The following FADS6 variants were observed in gnomAD, a reference collection of about 807,000 sequenced individuals.
The protein encoded by FADS6 is fatty acid desaturase domain family, member 6.
Under a neutral mutation model 31.7 loss-of-function variants are expected in FADS6, and 28 were observed. The observed-to-expected ratio is 0.88, with a 90% CI of 0.66 to 1.21. The LOEUF is 1.21. Among genes scored for constraint, FADS6 ranks in the 50% most tolerant of loss-of-function variants. The pLI, the probability that FADS6 is intolerant of heterozygous loss-of-function variation, is 0.00. For missense variants in FADS6, 494 were observed against 504.2 expected, an observed-to-expected ratio of 0.98 and a Z score of 0.19; for synonymous variants, 191 against 213.1, an observed-to-expected ratio of 0.90 and a Z score of 0.90.
intron 5 of FADS6, chr17:74,878,988 G>A (rs1315302160): frequency 4.9e-6 from 1 of 205,600 alleles, no homozygotes; most frequent in African/African-American, 2.4e-5. Context: ...GGCCAGTTGG[G>A]GGACTTGGAG....
intron 4 of FADS6, among the ~76,000 whole-genome samples, chr17:74,880,530 T>G (rs2038556501): frequency 6.6e-6 from 1 of 151,916 alleles, no homozygotes; most frequent in African/African-American, 2.4e-5. Context: ...AATTTTTGTG[T>G]TTTTAATAGA....
intron 1 of FADS6, 43 bp downstream of exon 1, chr17:74,893,309 C>G (rs1457774617): frequency 6.7e-7 from 1 of 1,486,626 alleles, no homozygotes; most frequent in Non-Finnish European, 8.9e-7. Context: ...ACCCCGCCCC[C>G]ACCCGCAGCC....
intron 2 of FADS6, 175 bp from the exon 3 acceptor site, chr17:74,882,885 A>T: frequency 6.8e-7 from 1 of 1,469,504 alleles, no homozygotes; most frequent in Admixed American, 2.2e-5. Context: ...GGTATCTATG[A>T]CCACGGAGTG....
At chr17:74,892,173 C>A (rs1020945152) in intron 2 of FADS6, among the ~76,000 whole-genome samples, 1 of 152,158 alleles carries the variant, frequency 6.6e-6, no homozygotes, top group South Asian at 2.1e-4. Context: ...AGGACGCTGC[C>A]CCTTGTGGAC....
At chr17:74,887,159 C>G (rs2144719145) in intron 2 of FADS6, among the ~76,000 whole-genome samples, 1 of 150,146 alleles carries the variant, frequency 6.7e-6, no homozygotes. Flanking sequence ...TCACAGAAGG[C>G]TTGAACTCCC....
intron 2 of FADS6, among the ~76,000 whole-genome samples, chr17:74,885,871 G>A (rs535361604): frequency 6.6e-6 from 1 of 152,170 alleles, no homozygotes; most frequent in South Asian, 2.1e-4. Flanking sequence ...ACTAAATGAG[G>A]GGCCAGGCGT....
intron 2 of FADS6, among the ~76,000 whole-genome samples, chr17:74,891,996 G>C (rs1158692955): frequency 6.6e-6 from 1 of 152,174 alleles, no homozygotes; most frequent in Non-Finnish European, 1.5e-5. Context: ...TTGCCTTCCT[G>C]GGCGTGCCCG....
At chr17:74,874,960 A>G (rs956460210), downstream of FADS6, among the ~76,000 whole-genome samples, 3 of 152,146 alleles carry the variant, frequency 2.0e-5, no homozygotes, top group Non-Finnish European at 4.4e-5. Flanking sequence ...CCACCCCTGC[A>G]CTACATTATA....
intron 4 of FADS6, 47 bp from the exon 5 acceptor site, chr17:74,879,630 C>T: frequency 6.4e-7 from 1 of 1,569,736 alleles, no homozygotes; most frequent in Non-Finnish European, 8.7e-7. Context: ...ACCTCCCCAC[C>T]CCACTCCAGG....
At chr17:74,888,671 C>T (rs1337734408) in intron 2 of FADS6, among the ~76,000 whole-genome samples, 1 of 152,174 alleles carries the variant, frequency 6.6e-6, no homozygotes, top group Admixed American at 6.5e-5. Context: ...AGCACAAAGC[C>T]GACTTCACAT....
intron 2 of FADS6, chr17:74,882,927 C>A: frequency 7.6e-7 from 1 of 1,319,342 alleles, no homozygotes; most frequent in Non-Finnish European, 1.0e-6. Context: ...GTCCGTTTGA[C>A]GAGGCTCTGC....
intron 2 of FADS6, among the ~76,000 whole-genome samples, chr17:74,889,097 G>A (rs1308442409): frequency 1.3e-5 from 2 of 152,290 alleles, no homozygotes; most frequent in South Asian, 2.1e-4. Flanking sequence ...ACAACAGCCT[G>A]GAGTGGAAGC....
At chr17:74,891,112 A>ATTTTTTTT (rs72258963) in intron 2 of FADS6, among the ~76,000 whole-genome samples, 1 of 123,144 alleles carries the variant, frequency 8.1e-6, no homozygotes, top group Non-Finnish European at 1.6e-5. Context: ...TTTCTTTTTG[A>ATTTTTTTT]TTTTTTTTTT....
rs1484262156 is a variant in FADS6, at chr17:74,881,754, A to C, written c.593-499T>G. Among the ~76,000 whole-genome samples, 17 of 150,778 alleles carry C rather than the reference A, an allele frequency of 1.1e-4. No individual in the cohort carries two copies. In the South Asian group the frequency reaches 3.5e-3, roughly 31 times the overall value. ...TCTGAAAAAAAAAAAAAAAGAAAGA[A>C]AAGAAAAGAAAAAGAAACAAAGAAA... On this transcript the variant is annotated intron_variant, in intron 3 of 5. Transcript: ENST00000612771.
At position 74,877,976 on chromosome 17, in the gene FADS6, C is replaced by T; in HGVS notation, c.*355G>A. ...CCCCCTGCTATCTCCCAGGTGGCCC[C>T]TGCACAGGATCCCTCTTCACCCTGT... On this transcript the variant is annotated 3_prime_UTR_variant, in exon 6 of 6. Coordinates refer to ENST00000612771, the MANE Select transcript of FADS6 (RefSeq NM_178128.6). 7 of 1,027,760 alleles carry T rather than the reference C, an allele frequency of 6.8e-6. No individual in the cohort carries two copies. Among genetic ancestry groups the T allele is most frequent in the South Asian group, 8.2e-5 (2 of 24,246 alleles). 63.7% of individuals were successfully genotyped at this position (1,027,760 alleles called of 1,614,324 possible). A position where few individuals can be genotyped will look rare whatever the true frequency, so the allele number is the denominator to read the frequency against.
rs1218100753 is a variant in FADS6, at chr17:74,878,082, G to A, written c.*249C>T. The A allele has an allele frequency of 2.9e-6, 4 of 1,356,390 alleles. No individual in the cohort carries two copies. The highest frequency in any genetic ancestry group is 3.8e-6 in the Non-Finnish European group (4 of 1,052,862). 84.0% of individuals were successfully genotyped at this position (1,356,390 alleles called of 1,614,324 possible). A position where few individuals can be genotyped will look rare whatever the true frequency, so the allele number is the denominator to read the frequency against. On this transcript the variant is annotated 3_prime_UTR_variant, in exon 6 of 6. Coordinates refer to ENST00000612771, the MANE Select transcript of FADS6 (RefSeq NM_178128.6). The stretch of plus-strand genomic sequence containing the variant: ...TTTAGTCCTGAGATGAAGTTGCTGA[G>A]GTCCAGACTGACCAGAATGCACAGC...
chr17:74,878,463 C>T lies in FADS6; in HGVS notation c.975G>A (p.Val325=), dbSNP rs759460183. Residue 325 remains valine (V), a synonymous_variant, in exon 6 of 6, where the codon GTG becomes GTA. Transcript: ENST00000612771. The part of the protein sequence containing the change: ...DNMCLKVKPV[V]SQFLREKQLP... The stretch of plus-strand genomic sequence containing the variant: ...GCTGCTTCTCACGTAGGAACTGGGA[C>T]ACCACGGGCTTCACCTGGTGGAAGA... The T allele has an allele frequency of 3.1e-6, 5 of 1,613,922 alleles. No homozygotes were observed. The highest frequency in any genetic ancestry group is 4.2e-6 in the Non-Finnish European group (5 of 1,179,822).
rs2038527953 is a variant in FADS6, at chr17:74,878,301, G to T, written c.*30C>A. 1.9e-6 allele frequency: 3 copies of T among 1,599,212 alleles called. No individual in the cohort carries two copies. Among genetic ancestry groups the T allele is most frequent in the Non-Finnish European group, 2.6e-6 (3 of 1,172,718 alleles). On this transcript the variant is annotated 3_prime_UTR_variant, in exon 6 of 6. Transcript: ENST00000612771. ...GGAGGGCCAGGGCCAGGCCAGGGAGGGGCAGGGTGGCTGCACCGGCCCGGC... is the reference window on the plus strand; with the variant it reads ...GGAGGGCCAGGGCCAGGCCAGGGAGTGGCAGGGTGGCTGCACCGGCCCGGC...
intron 2 of FADS6, among the ~76,000 whole-genome samples, chr17:74,889,063 G>C (rs1320918989): frequency 1.3e-5 from 2 of 152,194 alleles, no homozygotes; most frequent in East Asian, 3.9e-4. Context: ...TGGGTCTTCG[G>C]AGGTTGGATA....
Sources: gnomAD v4.1 joint callset for allele counts (sites outside exome capture counted in the v4.1 genomes callset) on GRCh38, gnomAD v4.1.1 for gene constraint, MANE v1.5 for transcripts, NCBI Gene and HGNC (gene_info 2026-07-23, HGNC 2026-07-21) for gene names.